RHOBTB1: variants seen among roughly 807,000 people sequenced by gnomAD.
RHOBTB1 encodes the protein Rho related BTB domain containing 1, also known as rho-related BTB domain-containing protein 1.
In RHOBTB1, 40 loss-of-function variants were observed where a neutral mutation model predicts 71.6. The ratio of observed to expected loss-of-function variants is 0.56; its 90% CI spans 0.43 to 0.73. The LOEUF (loss-of-function observed/expected upper bound fraction) is 0.73, where lower values mean the gene tolerates loss of function less well. Among genes scored for constraint, RHOBTB1 ranks in the 30% least tolerant of loss-of-function variants. The pLI is 0.00. For synonymous variants in RHOBTB1, 319 were observed against 334.9 expected, an observed-to-expected ratio of 0.95 and a Z score of 0.52; for missense variants, 797 against 894.0, an observed-to-expected ratio of 0.89 and a Z score of 1.38.
At chr10:60,928,471 A>G (rs780484368) in intron 2 of RHOBTB1, among the ~76,000 whole-genome samples, 4 of 151,986 alleles carry the variant, frequency 2.6e-5, no homozygotes, top group Non-Finnish European at 5.9e-5. Flanking sequence ...TGTTTGAAAC[A>G]ACATGGATGG....
chr10:60,866,831 AT>A (rs58713486), downstream of RHOBTB1, among the ~76,000 whole-genome samples: 24,177 of 151,868 alleles, frequency 0.16, 2,580 homozygotes, highest in Admixed American at 0.28. Context: ...CTATTTTCTA[AT>A]TGTTAAACCA....
At chr10:60,947,833 C>A (rs146533982), upstream of RHOBTB1, among the ~76,000 whole-genome samples, 2 of 152,252 alleles carry the variant, frequency 1.3e-5, no homozygotes, top group African/African-American at 4.8e-5. Flanking sequence ...GTTTTTATTT[C>A]TGTGGGATGA....
chr10:60,877,233 TTC>T (rs1020689446), intron 8 of RHOBTB1: 1 of 152,248 alleles, frequency 6.6e-6, no homozygotes, highest in African/African-American at 2.4e-5. Context: ...TTTCCCTTTT[TTC>T]TCTTTCTCCC....
intron 4 of RHOBTB1, among the ~76,000 whole-genome samples, chr10:60,900,071 T>C (rs921978763): frequency 1.3e-5 from 2 of 152,156 alleles, no homozygotes; most frequent in African/African-American, 2.4e-5. Flanking sequence ...GAAGGGACCA[T>C]GCCATTCTGC....
chr10:60,899,129 C>T (rs919956470), intron 4 of RHOBTB1, among the ~76,000 whole-genome samples: 1 of 152,188 alleles, frequency 6.6e-6, no homozygotes, highest in South Asian at 2.1e-4. Context: ...GCAAATCATA[C>T]TCCCGTTAGT....
At chr10:60,927,659 AT>A (rs2083967898) in intron 2 of RHOBTB1, among the ~76,000 whole-genome samples, 1 of 152,256 alleles carries the variant, frequency 6.6e-6, no homozygotes, top group African/African-American at 2.4e-5. Context: ...CTGGCTATCC[AT>A]AAGCAGAAGA....
intron 2 of RHOBTB1, among the ~76,000 whole-genome samples, chr10:60,971,458 T>TA (rs1190172417): frequency 1.3e-5 from 2 of 152,086 alleles, no homozygotes; most frequent in Non-Finnish European, 2.9e-5. Flanking sequence ...GATTCCCTAT[T>TA]AAAAAAATGC....
chr10:60,880,198 TGTGTGAGAGAGA>T (rs943523433), intron 7 of RHOBTB1, among the ~76,000 whole-genome samples: 1 of 140,702 alleles, frequency 7.1e-6, no homozygotes, highest in African/African-American at 2.8e-5. Flanking sequence ...TGTGTGTGTG[TGTGTGAGAGAGA>T]GAGAGAGAGA....
At chr10:60,979,404 A>C (rs2134778892) in intron 2 of RHOBTB1, among the ~76,000 whole-genome samples, 1 of 152,292 alleles carries the variant, frequency 6.6e-6, no homozygotes, top group Middle Eastern at 3.4e-3. Flanking sequence ...ATACAATGAA[A>C]CCATGGCCTC....
Position 60,929,584 on chromosome 10 carries a change from C to G in RHOBTB1, c.-11+12220G>C, listed in dbSNP as rs1047908860. On this transcript the variant is annotated intron_variant, in intron 2 of 10. Coordinates refer to ENST00000337910, the MANE Select transcript of RHOBTB1 (RefSeq NM_014836.5). Reference sequence around the variant, plus strand: ...AACCAAAGCCAAAAAAATGTAAGATCATCCTACATAGTTATTTTGAATTTA... The same window carrying G: ...AACCAAAGCCAAAAAAATGTAAGATGATCCTACATAGTTATTTTGAATTTA... 3.3e-5 allele frequency among the ~76,000 whole-genome samples: 5 copies of G among 152,066 alleles called. No individual in the cohort carries two copies. In the East Asian group the frequency reaches 9.6e-4, roughly 29 times the overall value.
chr10:60,911,431 T>C lies in RHOBTB1; in HGVS notation c.112A>G (p.Thr38Ala), dbSNP rs748021475. ...AGCAGCTGATACTGCGTGAGTGTGG[T>C]GTTGCACGCCCTGGCACAGATCAAG... is the stretch of plus-strand genomic sequence containing the variant. Reference protein sequence around the residue: ...TRLICARACNTTLTQYQLLAT... With the variant: ...TRLICARACNATLTQYQLLAT... The change falls in exon 3 of 11, where the codon ACC becomes GCC. Residue 38 changes from threonine to alanine, a missense_variant. Thr to Ala is a moderately conservative substitution (Grantham distance 58). Coordinates refer to ENST00000337910, the MANE Select transcript of RHOBTB1 (RefSeq NM_014836.5). 1 of 1,614,166 alleles carries C rather than the reference T, an allele frequency of 6.2e-7. No individual in the cohort carries two copies. Among genetic ancestry groups the C allele is most frequent in the Non-Finnish European group, 8.5e-7 (1 of 1,180,036 alleles).
intron 7 of RHOBTB1, among the ~76,000 whole-genome samples, chr10:60,881,224 A>G (rs141860044): frequency 1.4e-3 from 213 of 152,276 alleles, no homozygotes; most frequent in African/African-American, 4.8e-3. Context: ...AGCCATGTGG[A>G]ACTGTGAGTC....
chr10:60,871,515 C>A lies in RHOBTB1; in HGVS notation c.2058G>T (p.Trp686Cys), dbSNP rs927109605. 6.2e-7 allele frequency: 1 copy of A among 1,614,052 alleles called. No homozygotes were observed. The highest frequency in any genetic ancestry group is 2.2e-5 in the East Asian group (1 of 44,882). Residue 686 changes from tryptophan to cysteine, a missense_variant, in exon 11 of 11, where the codon TGG (tryptophan) becomes TGT (cysteine). Trp to Cys is a radical substitution (Grantham distance 215). Around this residue, in one of 2 missense-constraint regions of RHOBTB1, gnomAD observed 658 missense variants for 681.5 expected, o/e 0.97. Coordinates refer to ENST00000337910, the MANE Select transcript of RHOBTB1 (RefSeq NM_014836.5). ...CTGCTGGAGATGAATTCCAGAAGCA[C>A]CACTTTCGTCTTGAGCGATGCTTAT... The part of the protein sequence containing the change: ...ALNKHRSRRK[W>C]CFWNSSPAVA
intron 2 of RHOBTB1, among the ~76,000 whole-genome samples, chr10:60,926,773 A>G (rs140200854): frequency 3.4e-4 from 52 of 152,346 alleles, no homozygotes; most frequent in African/African-American, 1.2e-3. Flanking sequence ...AGCTAGTATC[A>G]TACTGAATGA....
At chr10:60,989,750 A>G (rs2086791856) in intron 1 of RHOBTB1, among the ~76,000 whole-genome samples, 1 of 152,132 alleles carries the variant, frequency 6.6e-6, no homozygotes. Flanking sequence ...GGAAGTCCCC[A>G]GACATGTGCT....
At chr10:60,968,968 C>G (rs926451686) in intron 2 of RHOBTB1, among the ~76,000 whole-genome samples, 2 of 151,940 alleles carry the variant, frequency 1.3e-5, no homozygotes, top group Non-Finnish European at 2.9e-5. Context: ...TGCCCGTGTT[C>G]TTGTTATTGT....
chr10:60,997,257 T>A (rs191753699), intron 1 of RHOBTB1, among the ~76,000 whole-genome samples: 1 of 152,174 alleles, frequency 6.6e-6, no homozygotes, highest in Non-Finnish European at 1.5e-5. Context: ...TAAAAAGATA[T>A]CAAAATTGTG....
chr10:60,879,877 T>A (rs569720663), intron 7 of RHOBTB1, among the ~76,000 whole-genome samples: 25 of 152,254 alleles, frequency 1.6e-4, no homozygotes, highest in Non-Finnish European at 2.1e-4. Context: ...ATCTGTGGAT[T>A]CAACCAACTG....
chr10:60,996,819 A>T (rs534925730), intron 1 of RHOBTB1, among the ~76,000 whole-genome samples: 1 of 152,166 alleles, frequency 6.6e-6, no homozygotes, highest in Non-Finnish European at 1.5e-5. Flanking sequence ...TGAAATCCAG[A>T]TTTAACTAGG....
Sources: allele counts gnomAD v4.1 joint callset (sites outside exome capture counted in the v4.1 genomes callset), GRCh38; gene constraint gnomAD v4.1.1; regional missense constraint gnomAD v4.1.1; transcripts MANE v1.5; gene names NCBI Gene and HGNC (gene_info 2026-07-23, HGNC 2026-07-21).